The following GDAP2 variants were observed in gnomAD, a reference collection of about 807,000 sequenced individuals.
GDAP2 encodes the protein ganglioside induced differentiation associated protein 2, also known as ganglioside-induced differentiation-associated protein 2.
A neutral mutation model predicts 67.0 loss-of-function variants in GDAP2; 51 were observed. The observed-to-expected ratio is 0.76, with a 90% confidence interval of 0.61 to 0.96. The LOEUF is 0.96. GDAP2 is among the 40% of genes least tolerant of loss of function. The probability of loss-of-function intolerance (pLI) is 0.00; values close to 1 mark genes in which losing one functional copy is unlikely to be tolerated. For missense variants in GDAP2, 547 were observed against 588.3 expected, an observed-to-expected ratio of 0.93 and a Z score of 0.73; for synonymous variants, 203 against 207.3, an observed-to-expected ratio of 0.98 and a Z score of 0.18.
chr1:117,868,588 C>T lies in GDAP2; in HGVS notation c.*1981G>A, dbSNP rs1415449296. ...TATCTCTACAGAAAATGGTTTGGGCCAGGTTCTTGAGGTAGCCAAGTTCCC... is the reference window on the plus strand; with the variant it reads ...TATCTCTACAGAAAATGGTTTGGGCTAGGTTCTTGAGGTAGCCAAGTTCCC... On this transcript the variant is annotated 3_prime_UTR_variant, in exon 14 of 14. Transcript: ENST00000369443. 6.6e-6 allele frequency: 1 copy of T among 152,094 alleles called. No homozygotes were observed. Among genetic ancestry groups the T allele is most frequent in the Admixed American group, 6.6e-5 (1 of 15,254 alleles). 9.4% of individuals were successfully genotyped at this position (152,094 alleles called of 1,614,324 possible).
intron 6 of GDAP2, among the ~76,000 whole-genome samples, chr1:117,901,129 T>C (rs1438618671): frequency 6.6e-6 from 1 of 152,196 alleles, no homozygotes; most frequent in African/African-American, 2.4e-5. Flanking sequence ...GTTTCTTTCA[T>C]TTAGCATGAT....
intron 13 of GDAP2, among the ~76,000 whole-genome samples, chr1:117,873,442 C>T (rs1648355290): frequency 6.6e-6 from 1 of 151,892 alleles, no homozygotes; most frequent in Non-Finnish European, 1.5e-5. Flanking sequence ...ATACTAACCA[C>T]TTCACTCCTT....
chr1:117,926,637 G>C (rs1650455168), intron 1 of GDAP2, among the ~76,000 whole-genome samples: 1 of 152,072 alleles, frequency 6.6e-6, no homozygotes, highest in Non-Finnish European at 1.5e-5. Flanking sequence ...ACAGTAAATG[G>C]AGCCACAAAC....
At position 117,869,507 on chromosome 1, in the gene GDAP2, G is replaced by A. The variant is rs554325558; in HGVS notation, c.*1062C>T. The A allele has an allele frequency of 6.6e-6, 1 of 152,638 alleles. No individual in the cohort carries two copies. The highest frequency in any genetic ancestry group is 2.4e-5 in the African/African-American group (1 of 41,528). 9.5% of individuals were successfully genotyped at this position (152,638 alleles called of 1,614,324 possible). A position where few individuals can be genotyped will look rare whatever the true frequency, so the allele number is the denominator to read the frequency against. On this transcript the variant is annotated 3_prime_UTR_variant, in exon 14 of 14. Transcript: ENST00000369443. Reference sequence around the variant, plus strand: ...ACTGAAGATACCCCACCACAACAAAGCCCTTTCTAAATGCTATCTTCATGA... The same window carrying A: ...ACTGAAGATACCCCACCACAACAAAACCCTTTCTAAATGCTATCTTCATGA...
chr1:117,922,803 T>C (rs143256882), intron 1 of GDAP2, among the ~76,000 whole-genome samples: 2,075 of 152,338 alleles, frequency 0.014, 36 homozygotes, highest in South Asian at 0.092. Flanking sequence ...TGTGCACGCA[T>C]TGTCAGGGTT....
rs1356764498 is a variant in GDAP2 at position 117,870,293 on chromosome 1, A to G, written c.*276T>C. 2 of 441,096 alleles carry G rather than the reference A, an allele frequency of 4.5e-6. No homozygotes were observed. Among genetic ancestry groups the G allele is most frequent in the Non-Finnish European group, 8.1e-6 (2 of 248,138 alleles). 27.3% of individuals were successfully genotyped at this position (441,096 alleles called of 1,614,324 possible). ...CGGTGTCCTTCAGGAAACTAAAGAT[A>G]CTCAAAAGTTGCTCCCCAATTTCTA... On this transcript the variant is annotated 3_prime_UTR_variant, in exon 14 of 14. Transcript: ENST00000369443.
chr1:117,886,172 G>T (rs1648845617), intron 10 of GDAP2, among the ~76,000 whole-genome samples: 1 of 151,864 alleles, frequency 6.6e-6, no homozygotes, highest in African/African-American at 2.4e-5. Context: ...CAAATGAAGG[G>T]ATTATAGAAT....
chr1:117,923,864 T>C (rs1049327280), intron 1 of GDAP2, among the ~76,000 whole-genome samples: 1 of 152,264 alleles, frequency 6.6e-6, no homozygotes, highest in African/African-American at 2.4e-5. Flanking sequence ...TATTAGCCAT[T>C]TAAGACATTT....
intron 3 of GDAP2, among the ~76,000 whole-genome samples, chr1:117,914,841 T>C (rs1318258032): frequency 5.3e-5 from 8 of 152,110 alleles, no homozygotes; most frequent in African/African-American, 1.9e-4. Flanking sequence ...AGTACGAAGG[T>C]GGAAGTAAAA....
intron 6 of GDAP2, among the ~76,000 whole-genome samples, chr1:117,903,330 A>T (rs1267057722): frequency 6.6e-6 from 1 of 152,206 alleles, no homozygotes; most frequent in Non-Finnish European, 1.5e-5. Flanking sequence ...AACTGGCAAG[A>T]GCAAAAATCT....
At chr1:117,886,548 T>C (rs765422550) in intron 10 of GDAP2, 29 bp downstream of exon 10, 24 of 1,160,664 alleles carry the variant, frequency 2.1e-5, no homozygotes, top group Non-Finnish European at 3.1e-5. Context: ...TCAACATTGT[T>C]TGTAAAACAG....
At chr1:117,883,652 G>T (rs1481592099) in intron 10 of GDAP2, 25 bp from the exon 11 acceptor site, 3 of 1,559,908 alleles carry the variant, frequency 1.9e-6, no homozygotes, top group Non-Finnish European at 2.6e-6. Context: ...GGGAATAAAG[G>T]TGAAGATCAT....
rs141098978 is a variant in GDAP2, at chr1:117,899,160, A to G, written c.693T>C (p.Asn231=). ...LYFPRSLKEE[N]RSLPYLPADI... ...CTGCAGGTAGGTAGGGCAATGATCG[A>G]TTCTCCTCTTTTAATGACCTTGGGA... is the stretch of plus-strand genomic sequence containing the variant. The change falls in exon 7 of 14, where the codon AAT becomes AAC. Residue 231 remains asparagine (N), a synonymous_variant. Coordinates refer to ENST00000369443, the MANE Select transcript of GDAP2 (RefSeq NM_017686.4). 1,168 of 1,611,304 alleles carry G rather than the reference A, an allele frequency of 7.2e-4. 2 individuals carry two copies. The highest frequency in any genetic ancestry group is 9.6e-4 in the Non-Finnish European group (1,136 of 1,177,502).
intron 4 of GDAP2, 151 bp downstream of exon 4, chr1:117,912,379 T>C (rs1490754900): frequency 3.2e-6 from 2 of 624,368 alleles, no homozygotes; most frequent in Non-Finnish European, 5.5e-6. Context: ...GATAATTCTA[T>C]TGTCAGGGTC....
chr1:117,908,474 CTTTTTA>C (rs1240353673), intron 5 of GDAP2, among the ~76,000 whole-genome samples: 1 of 152,062 alleles, frequency 6.6e-6, no homozygotes, highest in African/African-American at 2.4e-5. Flanking sequence ...GACAAATTTA[CTTTTTA>C]TTTTTTCCTC....
Position 117,919,418 on chromosome 1 carries a change from T to C in GDAP2, c.177-682A>G, listed in dbSNP as rs184551687. Among the ~76,000 whole-genome samples, 485 of 151,712 alleles carry C rather than the reference T, an allele frequency of 3.2e-3. 1 individual carries two copies. Among genetic ancestry groups the C allele is most frequent in the South Asian group, 4.4e-3 (21 of 4,800 alleles). ...GTATTGATTTGTACTATAATATAGA[T>C]GAACCTTGAAAACATTATGCTAAGT... On this transcript the variant is annotated intron_variant, in intron 2 of 13. Coordinates refer to ENST00000369443, the MANE Select transcript of GDAP2 (RefSeq NM_017686.4).
At chr1:117,923,620 C>T (rs990256404) in intron 1 of GDAP2, among the ~76,000 whole-genome samples, 4 of 152,046 alleles carry the variant, frequency 2.6e-5, no homozygotes, top group African/African-American at 9.7e-5. Context: ...AACTTTCTCC[C>T]CCCCAAATAA....
intron 5 of GDAP2, among the ~76,000 whole-genome samples, chr1:117,909,797 T>C (rs1649788501): frequency 6.6e-6 from 1 of 152,190 alleles, no homozygotes; most frequent in Admixed American, 6.5e-5. Flanking sequence ...ACCTCTTTCA[T>C]AGTACTGTAT....
rs573460818 is a variant in GDAP2 at position 117,874,799 on chromosome 1, G to T, written c.1446+3210C>A. On this transcript the variant is annotated intron_variant, in intron 13 of 13. Transcript: ENST00000369443. ...AGGCCATGCTGATAAGGTCTCAGAT[G>T]GAAGTGGGGAACTTAGGAATTAGAG... 3.9e-5 allele frequency among the ~76,000 whole-genome samples: 6 copies of T among 152,300 alleles called. No individual in the cohort carries two copies. In the South Asian group the frequency reaches 1.2e-3, roughly 32 times the overall value.
Sources: gnomAD v4.1 joint callset for allele counts (sites outside exome capture counted in the v4.1 genomes callset) on GRCh38, gnomAD v4.1.1 for gene constraint, MANE v1.5 for transcripts, NCBI Gene and HGNC (gene_info 2026-07-23, HGNC 2026-07-21) for gene names.